The following CFAP144 variants were observed in gnomAD, a reference collection of about 807,000 sequenced individuals.
CFAP144 encodes cilia and flagella associated protein 144.
chr1:43,150,626 CA>C, the CFAP144 span: 5 of 722,676 alleles, frequency 6.9e-6, no homozygotes, highest in African/African-American at 8.8e-5. Flanking sequence ...ATTATCCTAG[CA>C]CCCAGGATAA....
chr1:43,144,501 G>A, the CFAP144 span, among the ~76,000 whole-genome samples: 1 of 152,068 alleles, frequency 6.6e-6, no homozygotes, highest in Non-Finnish European at 1.5e-5. Context: ...CTCAACCCAT[G>A]ACTTCACCTT....
At chr1:43,143,117 C>T in the CFAP144 span, among the ~76,000 whole-genome samples, 1 of 152,026 alleles carries the variant, frequency 6.6e-6, no homozygotes, top group African/African-American at 2.4e-5. Context: ...TCACGACCGT[C>T]AAGTACACAT....
the CFAP144 span, chr1:43,152,690 C>T: frequency 1.2e-6 from 1 of 846,438 alleles, no homozygotes; most frequent in Non-Finnish European, 1.8e-6. Flanking sequence ...GACCAGACAC[C>T]CTGGTCTTGA....
At chr1:43,146,563 TA>T in the CFAP144 span, among the ~76,000 whole-genome samples, 1 of 152,208 alleles carries the variant, frequency 6.6e-6, no homozygotes, top group Non-Finnish European at 1.5e-5. Context: ...ATTAAGAGAC[TA>T]AAATGGCAAG....
At chr1:43,153,507 G>A in the CFAP144 span, among the ~76,000 whole-genome samples, 1 of 152,032 alleles carries the variant, frequency 6.6e-6, no homozygotes, top group Admixed American at 6.6e-5. Context: ...TACTGGGGAG[G>A]CTGAGGCAGG....
At chr1:43,147,599 G>A in the CFAP144 span, among the ~76,000 whole-genome samples, 3 of 152,190 alleles carry the variant, frequency 2.0e-5, no homozygotes, top group Non-Finnish European at 2.9e-5. Flanking sequence ...ATTGGCCAAG[G>A]TGAGGTCCAA....
chr1:43,148,407 G>T, the CFAP144 span, among the ~76,000 whole-genome samples: 1 of 152,058 alleles, frequency 6.6e-6, no homozygotes, highest in African/African-American at 2.4e-5. Flanking sequence ...ATTTTGGGTT[G>T]TTTTTAACAA....
At chr1:43,150,890 A>G in the CFAP144 span, 1 of 1,287,444 alleles carries the variant, frequency 7.8e-7, no homozygotes, top group Non-Finnish European at 1.1e-6. Flanking sequence ...GAGACCTCTC[A>G]GGGTCGTGAT....
the CFAP144 span, among the ~76,000 whole-genome samples, chr1:43,152,123 G>A: frequency 6.6e-6 from 1 of 152,026 alleles, no homozygotes; most frequent in Non-Finnish European, 1.5e-5. Context: ...CACCCAACAA[G>A]CCGGTAGTAG....
At chr1:43,147,390 T>TAAAA in the CFAP144 span, among the ~76,000 whole-genome samples, 10 of 151,810 alleles carry the variant, frequency 6.6e-5, no homozygotes, top group African/African-American at 2.4e-4. Flanking sequence ...ACATTAAAAA[T>TAAAA]AAACTATAAA....
the CFAP144 span, among the ~76,000 whole-genome samples, chr1:43,143,510 G>T: frequency 1.3e-5 from 2 of 151,562 alleles, no homozygotes; most frequent in Non-Finnish European, 2.9e-5. Flanking sequence ...TTATGATTTG[G>T]ATGGTGATCA....
chr1:43,155,264 A>G, the CFAP144 span, among the ~76,000 whole-genome samples: 2 of 152,232 alleles, frequency 1.3e-5, no homozygotes, highest in African/African-American at 4.8e-5. Flanking sequence ...ATGCACAAGT[A>G]AATTAATTCA....
chr1:43,154,986 C>T, the CFAP144 span, among the ~76,000 whole-genome samples: 1 of 152,098 alleles, frequency 6.6e-6, no homozygotes, highest in East Asian at 1.9e-4. Context: ...ATGGGGAACC[C>T]AATCAGATAT....
the CFAP144 span, among the ~76,000 whole-genome samples, chr1:43,154,464 G>A: frequency 2.0e-5 from 3 of 149,594 alleles, no homozygotes; most frequent in Non-Finnish European, 4.4e-5. Flanking sequence ...CTACAAGGAC[G>A]GACTTGGTAC....
chr1:43,147,247 CTTG>C, the CFAP144 span, among the ~76,000 whole-genome samples: 12 of 152,290 alleles, frequency 7.9e-5, no homozygotes, highest in East Asian at 1.9e-3. Context: ...AAAAGGGAAA[CTTG>C]TTGTTTAATG....
the CFAP144 span, chr1:43,152,619 C>T: frequency 4.9e-3 from 2,411 of 494,410 alleles, 37 homozygotes; most frequent in African/African-American, 0.042. Context: ...GCCCAGCGCC[C>T]GGAAGCATGT....
the CFAP144 span, among the ~76,000 whole-genome samples, chr1:43,154,264 T>C: frequency 6.9e-6 from 1 of 145,114 alleles, no homozygotes; most frequent in Non-Finnish European, 1.5e-5. Context: ...AATAAAATTT[T>C]ATATAAAATT....
At chr1:43,145,764 A>G in the CFAP144 span, among the ~76,000 whole-genome samples, 2 of 152,248 alleles carry the variant, frequency 1.3e-5, no homozygotes, top group Non-Finnish European at 2.9e-5. Context: ...TTATATGGAC[A>G]TACAAAGGGC....
chr1:43,153,677 A>T, the CFAP144 span, among the ~76,000 whole-genome samples: 1 of 151,578 alleles, frequency 6.6e-6, no homozygotes, highest in Non-Finnish European at 1.5e-5. Context: ...ATAAAAATTT[A>T]AAAAATTAAA....
Sources: gnomAD v4.1 joint callset for allele counts (sites outside exome capture counted in the v4.1 genomes callset) on GRCh38, gnomAD v4.1.1 for gene constraint, MANE v1.5 for transcripts, NCBI Gene and HGNC (gene_info 2026-07-23, HGNC 2026-07-21) for gene names.